The following CROCC2 variants were observed in gnomAD, a reference collection of about 807,000 sequenced individuals.
CROCC2 encodes the protein ciliary rootlet coiled-coil, rootletin family member 2.
In CROCC2, 163 loss-of-function variants were observed where a neutral mutation model predicts 177.6. The ratio of observed to expected loss-of-function variants is 0.92; its 90% confidence interval spans 0.81 to 1.05. CROCC2 has a LOEUF of 1.05. Among genes scored for constraint, CROCC2 ranks in the 50% least tolerant of loss-of-function variants. The probability of loss-of-function intolerance (pLI) is 0.00; values close to 1 mark genes in which losing one functional copy is unlikely to be tolerated. For missense variants in CROCC2, 1,929 were observed against 1,797.8 expected (o/e 1.07, Z -1.32); for synonymous variants, 904 against 787.3 (o/e 1.15, Z -2.48).
In CROCC2 at chr2:240,990,928, C is replaced by T. The variant is rs559715893; in HGVS notation, c.4864-268C>T. 5.3e-4 allele frequency among the ~76,000 whole-genome samples: 80 copies of T among 152,352 alleles called. 3 individuals carry two copies. The highest frequency in any genetic ancestry group is 1.8e-3 in the African/African-American group (76 of 41,584). On this transcript the variant is annotated intron_variant, in intron 30 of 31. Coordinates refer to ENST00000690015, the MANE Select transcript of CROCC2 (RefSeq NM_001351305.2). ...AGTGCCTGAACAGAAGCGGGCCCAT[C>T]CACCAAGGGTGCGCGGTGGCCATAC...
intron 25 of CROCC2, among the ~76,000 whole-genome samples, chr2:240,966,914 G>C (rs748891419): frequency 5.9e-4 from 89 of 151,858 alleles, no homozygotes; most frequent in Non-Finnish European, 1.0e-3. Flanking sequence ...CCCTGGCCAG[G>C]GTCCTCTGTG....
chr2:240,970,379 A>G lies in CROCC2; in HGVS notation c.4401+2117A>G, dbSNP rs1390300405. The stretch of plus-strand genomic sequence containing the variant: ...TAGAGTCTCTGCCTCTTCTGGGGGA[A>G]TTTGTCCCATGTAGAAGTTTTGTGG... On this transcript the variant is annotated intron_variant, in intron 27 of 31. Coordinates refer to ENST00000690015, the MANE Select transcript of CROCC2 (RefSeq NM_001351305.2). Among the ~76,000 whole-genome samples the G allele has an allele frequency of 5.9e-5, 9 of 152,212 alleles. No homozygotes were observed. In the East Asian group the frequency reaches 1.7e-3, roughly 29 times the overall value.
chr2:240,960,192 G>C lies in CROCC2; in HGVS notation c.3087+748G>C, dbSNP rs777214738. Among the ~76,000 whole-genome samples the C allele has an allele frequency of 1.3e-5, 2 of 152,390 alleles. No individual in the cohort carries two copies. Among genetic ancestry groups the C allele is most frequent in the East Asian group, 3.9e-4 (2 of 5,190 alleles). On this transcript the variant is annotated intron_variant, in intron 20 of 31. Coordinates refer to ENST00000690015, the MANE Select transcript of CROCC2 (RefSeq NM_001351305.2). This position sits in a 1 kb window ranked among gnomAD's most constrained non-coding sequence, Gnocchi z 5.0. ...CCCATCGAGCCATCCACTGAGGCACGGGGAGGCCCTAGACAAGCTGGGCTC... is the reference window on the plus strand; with the variant it reads ...CCCATCGAGCCATCCACTGAGGCACCGGGAGGCCCTAGACAAGCTGGGCTC...
In CROCC2 at chr2:240,930,149, A is replaced by G. The variant is rs772955333; in HGVS notation, c.646-17A>G. The G allele has an allele frequency of 2.6e-5, 14 of 543,310 alleles. No individual in the cohort carries two copies. The highest frequency in any genetic ancestry group is 1.0e-4 in the Admixed American group (3 of 29,020). The allele number at this position is 543,310 out of a possible 1,614,324, so 33.7% of individuals were successfully genotyped here. On this transcript the variant is annotated splice_polypyrimidine_tract_variant and intron_variant, in intron 5 of 31. Coordinates refer to ENST00000690015, the MANE Select transcript of CROCC2 (RefSeq NM_001351305.2). ...GGGGCCCCAGCCTGAAGTAGACAGGAGGCCTCTTGCTTTCAGACCCGGTCA... is the reference window on the plus strand; with the variant it reads ...GGGGCCCCAGCCTGAAGTAGACAGGGGGCCTCTTGCTTTCAGACCCGGTCA...
At chr2:240,919,541 C>T (rs2059344484) in intron 2 of CROCC2, among the ~76,000 whole-genome samples, 1 of 152,080 alleles carries the variant, frequency 6.6e-6, no homozygotes, top group African/African-American at 2.4e-5. Context: ...CCCTCTCTCC[C>T]AGGGTCTGTC....
Position 240,959,687 on chromosome 2 carries a change from G to C in CROCC2, c.3087+243G>C, listed in dbSNP as rs959564411. The C allele has an allele frequency of 6.8e-6, 3 of 443,956 alleles. No individual in the cohort carries two copies. In the Admixed American group the frequency reaches 1.2e-4, roughly 18 times the overall value. 27.5% of individuals were successfully genotyped at this position (443,956 alleles called of 1,614,324 possible). On this transcript the variant is annotated intron_variant, in intron 20 of 31. Transcript: ENST00000690015. ...GGCAGATGAAATGGTGCCTGGCCCA[G>C]GCCATTGGCTAAGGGAAGCTGACAC... is the stretch of plus-strand genomic sequence containing the variant.
At chr2:240,911,111 A>G (rs1277410644) in intron 1 of CROCC2, among the ~76,000 whole-genome samples, 1 of 152,146 alleles carries the variant, frequency 6.6e-6, no homozygotes, top group East Asian at 1.9e-4. Flanking sequence ...AGCCTGGGAG[A>G]CAGAGCGAGA....
intron 1 of CROCC2, among the ~76,000 whole-genome samples, chr2:240,909,287 C>T (rs2059272455): frequency 6.9e-6 from 1 of 144,132 alleles, no homozygotes; most frequent in African/African-American, 2.7e-5. Flanking sequence ...TCTACCTCCT[C>T]CACCTCGGGT....
At chr2:240,933,942 C>G in intron 11 of CROCC2, 90 bp downstream of exon 11, 2 of 1,376,086 alleles carry the variant, frequency 1.5e-6, no homozygotes, top group Non-Finnish European at 2.0e-6. Flanking sequence ...GGCCACGGGT[C>G]TGCTTTTTCA....
At chr2:240,945,829 G>A (rs935761992) in intron 14 of CROCC2, among the ~76,000 whole-genome samples, 1 of 152,006 alleles carries the variant, frequency 6.6e-6, no homozygotes, top group African/African-American at 2.4e-5. Flanking sequence ...CTACCTAGGA[G>A]TGCCCAGTTC....
chr2:240,949,688 C>G lies in CROCC2; in HGVS notation c.2638C>G (p.Leu880Val). 1 of 1,543,578 alleles carries G rather than the reference C, an allele frequency of 6.5e-7. No homozygotes were observed. Among genetic ancestry groups the G allele is most frequent in the Non-Finnish European group, 8.8e-7 (1 of 1,142,798 alleles). ...ALAHREALAQ[L>V]QREKETLSLT... Reference sequence around the variant, plus strand: ...GGCCCACCGAGAGGCCCTGGCACAGCTCCAAAGGGAGAAGGTCTGCTTCCC... The same window carrying G: ...GGCCCACCGAGAGGCCCTGGCACAGGTCCAAAGGGAGAAGGTCTGCTTCCC... The change falls in exon 17 of 32, where the codon CTC (leucine) becomes GTC (valine). Residue 880 changes from leucine to valine, a missense_variant. Leu to Val is a conservative substitution (Grantham distance 32, BLOSUM62 1). Coordinates refer to ENST00000690015, the MANE Select transcript of CROCC2 (RefSeq NM_001351305.2). The surrounding 1 kb of genome is among the most constrained non-coding windows in gnomAD (Gnocchi z 4.5).
At position 240,949,811 on chromosome 2, in the gene CROCC2, G is replaced by T; in HGVS notation, c.2652+109G>T. The T allele has an allele frequency of 8.3e-7, 1 of 1,203,802 alleles. No individual in the cohort carries two copies. The highest frequency in any genetic ancestry group is 1.1e-6 in the Non-Finnish European group (1 of 872,438). The allele number at this position is 1,203,802 out of a possible 1,614,324, so 74.6% of individuals were successfully genotyped here. A position where few individuals can be genotyped will look rare whatever the true frequency, so the allele number is the denominator to read the frequency against. On this transcript the variant is annotated intron_variant, in intron 17 of 31. Transcript: ENST00000690015. This position sits in a 1 kb window ranked among gnomAD's most constrained non-coding sequence, Gnocchi z 4.5. ...CTGGGAGACAGAGCTCAGAGACATA[G>T]GCGCCTGGCCAGGGCTGGGCAAGGA...
At chr2:240,971,793 T>C (rs1008287216) in intron 27 of CROCC2, among the ~76,000 whole-genome samples, 8 of 152,176 alleles carry the variant, frequency 5.3e-5, no homozygotes, top group African/African-American at 1.9e-4. Context: ...CCTGGACCTG[T>C]CCTCCTGGCT....
At position 240,949,017 on chromosome 2, in the gene CROCC2, C is replaced by T; in HGVS notation, c.2402C>T (p.Ala801Val). ...TCCCTGGAGAGCAGCCTCCTTGAGG[C>T]CCAACAGCTGGCCACAAAGCTGCAG... is the stretch of plus-strand genomic sequence containing the variant. ...RDSLESSLLEAQQLATKLQEQ... is the reference protein window; with the variant it reads ...RDSLESSLLEVQQLATKLQEQ... Residue 801 changes from alanine (A) to valine (V), a missense_variant, in exon 16 of 32, where the codon GCC becomes GTC. This residue lies in a region of CROCC2 where 1,397 missense variants were observed against 1,239.9 expected (regional missense o/e 1.13). Transcript: ENST00000690015. The surrounding 1 kb of genome is among the most constrained non-coding windows in gnomAD (Gnocchi z 4.5). 2.6e-6 allele frequency: 4 copies of T among 1,550,088 alleles called. No individual in the cohort carries two copies. The highest frequency in any genetic ancestry group is 3.5e-6 in the Non-Finnish European group (4 of 1,146,892).
chr2:240,992,799 T>G (rs2059888851), intron 31 of CROCC2, among the ~76,000 whole-genome samples: 1 of 152,204 alleles, frequency 6.6e-6, no homozygotes, highest in African/African-American at 2.4e-5. Flanking sequence ...AGAGGCAGCG[T>G]GTGGTGCTCA....
intron 4 of CROCC2, among the ~76,000 whole-genome samples, chr2:240,923,275 G>T (rs751781531): frequency 6.6e-6 from 1 of 151,008 alleles, no homozygotes; most frequent in African/African-American, 2.4e-5. Flanking sequence ...AGCCCCCCCC[G>T]CCACCGCTGT....
chr2:240,929,581 A>C (rs1574755355), intron 5 of CROCC2: 4 of 424,866 alleles, frequency 9.4e-6, no homozygotes, highest in South Asian at 3.2e-5. Flanking sequence ...GTGGCTTCCC[A>C]CCCTCCTCCC....
At chr2:240,914,920 C>T (rs1480747989) in intron 1 of CROCC2, among the ~76,000 whole-genome samples, 1 of 152,246 alleles carries the variant, frequency 6.6e-6, no homozygotes. Flanking sequence ...TGACCCCTGA[C>T]AGCATCTCCA....
intron 2 of CROCC2, among the ~76,000 whole-genome samples, chr2:240,919,145 C>T (rs1219038422): frequency 7.0e-6 from 1 of 143,092 alleles, no homozygotes; most frequent in Non-Finnish European, 1.5e-5. Context: ...GCGTGGGGGA[C>T]AGTCCTGGGC....
Sources: gnomAD v4.1 joint callset for allele counts (sites outside exome capture counted in the v4.1 genomes callset) on GRCh38, gnomAD v4.1.1 for gene constraint, gnomAD v4.1.1 regional missense constraint, Gnocchi (gnomAD v3.1) non-coding constraint, MANE v1.5 for transcripts, NCBI Gene and HGNC (gene_info 2026-07-23, HGNC 2026-07-21) for gene names.